SDK1: variants seen among roughly 807,000 people sequenced by gnomAD.
SDK1 encodes the protein sidekick cell adhesion molecule 1.
A neutral mutation model predicts 245.5 loss-of-function variants in SDK1; 157 were observed. The observed-to-expected ratio is 0.64, with a 90% CI of 0.56 to 0.73. The LOEUF (loss-of-function observed/expected upper bound fraction) is 0.73. Ranked by LOEUF, SDK1 falls within the 30% of genes least tolerant of loss-of-function variation. The pLI, the probability that SDK1 is intolerant of heterozygous loss-of-function variation, is 0.00. For synonymous variants in SDK1, 1,647 were observed against 1,278.5 expected, an observed-to-expected ratio of 1.29 and a Z score of -6.15; for missense variants, 3,583 against 3,002.3, an observed-to-expected ratio of 1.19 and a Z score of -4.52.
At chr7:3,539,342 A>T (rs1033592207) in intron 1 of SDK1, among the ~76,000 whole-genome samples, 1 of 152,198 alleles carries the variant, frequency 6.6e-6, no homozygotes, top group Non-Finnish European at 1.5e-5. Flanking sequence ...AACTAGATAG[A>T]TAGGTAGGTA....
intron 1 of SDK1, chr7:3,338,444 A>T (rs934331161): frequency 1.3e-5 from 7 of 522,728 alleles, no homozygotes; most frequent in Non-Finnish European, 2.2e-5. Context: ...TTCCTGAAAC[A>T]TGTGAAGGAA....
At chr7:3,628,170 T>C (rs976865976) in intron 2 of SDK1, among the ~76,000 whole-genome samples, 1 of 152,120 alleles carries the variant, frequency 6.6e-6, no homozygotes, top group Non-Finnish European at 1.5e-5. Flanking sequence ...TGTTTAACTG[T>C]TCTATCAATT....
chr7:3,481,671 C>G (rs1391291331), intron 1 of SDK1, among the ~76,000 whole-genome samples: 1 of 152,230 alleles, frequency 6.6e-6, no homozygotes, highest in Admixed American at 6.5e-5. Context: ...AAGGTCACGG[C>G]TCGTGTCAGG....
chr7:4,206,445 T>C (rs539371222), intron 36 of SDK1, among the ~76,000 whole-genome samples: 8 of 152,050 alleles, frequency 5.3e-5, no homozygotes, highest in African/African-American at 1.9e-4. Context: ...CTTGATTCGG[T>C]CGGTCCAGGG....
Position 4,127,510 on chromosome 7 carries a change from G to T in SDK1, c.3939+14G>T, listed in dbSNP as rs780639146. On this transcript the variant is annotated intron_variant, in intron 26 of 44. Transcript: ENST00000404826. ...CTGGGCTACAAGGTGTGTGATCACA[G>T]GATGACCTCCCTTTGCTTAAAGAGT... 5.1e-6 allele frequency: 8 copies of T among 1,580,842 alleles called. 1 individual carries two copies. The highest frequency in any genetic ancestry group is 7.0e-6 in the Non-Finnish European group (8 of 1,149,818).
chr7:3,892,025 A>T (rs933772234), intron 5 of SDK1, among the ~76,000 whole-genome samples: 82 of 152,130 alleles, frequency 5.4e-4, no homozygotes, highest in African/African-American at 1.8e-3. Context: ...CTAAGTTATC[A>T]TAGGTTATTT....
At chr7:4,188,240 A>G (rs908273188) in intron 35 of SDK1, among the ~76,000 whole-genome samples, 2 of 152,224 alleles carry the variant, frequency 1.3e-5, no homozygotes, top group Non-Finnish European at 2.9e-5. Flanking sequence ...GCTACAGCCA[A>G]CGTCCTGAGG....
chr7:3,563,172 G>A (rs920145598), intron 1 of SDK1, among the ~76,000 whole-genome samples: 4 of 151,856 alleles, frequency 2.6e-5, no homozygotes, highest in African/African-American at 9.7e-5. Flanking sequence ...ATTGGATCTA[G>A]CCAATCAAAA....
intron 1 of SDK1, among the ~76,000 whole-genome samples, chr7:3,399,735 C>T (rs368518511): frequency 6.6e-6 from 1 of 152,042 alleles, no homozygotes; most frequent in East Asian, 1.9e-4. Context: ...TACTAAGTCT[C>T]CCATCCTTCT....
chr7:3,655,448 AATAT>A lies in SDK1; in HGVS notation c.713+13396_713+13399del, dbSNP rs1194322286. ...AACTGTCTAAAAACAAAACAAAACA[AATAT>A]ATATATATATATATATATATATATA... is the stretch of plus-strand genomic sequence containing the variant. On this transcript the variant is annotated intron_variant, in intron 4 of 44. Transcript: ENST00000404826. Among the ~76,000 whole-genome samples the A allele has an allele frequency of 5.2e-3, 346 of 66,128 alleles. 8 individuals carry two copies. Among genetic ancestry groups the A allele is most frequent in the African/African-American group, 0.014 (186 of 13,290 alleles). 43.4% of individuals were successfully genotyped at this position (66,128 alleles called of 152,430 possible).
chr7:3,466,073 G>T (rs1178369383), intron 1 of SDK1, among the ~76,000 whole-genome samples: 1 of 152,066 alleles, frequency 6.6e-6, no homozygotes, highest in Non-Finnish European at 1.5e-5. Flanking sequence ...GCTAGGGGAG[G>T]TGAGGTTTTG....
chr7:3,718,513 C>T (rs1441315629), intron 4 of SDK1, among the ~76,000 whole-genome samples: 1 of 148,124 alleles, frequency 6.8e-6, no homozygotes, highest in Non-Finnish European at 1.5e-5. Flanking sequence ...CAAAGCAAAA[C>T]TGTATCTCAA....
intron 35 of SDK1, among the ~76,000 whole-genome samples, chr7:4,201,082 G>A (rs935625808): frequency 1.3e-5 from 2 of 152,182 alleles, no homozygotes; most frequent in African/African-American, 4.8e-5. Context: ...TTGTTCCTAG[G>A]GCTATGCACT....
intron 1 of SDK1, among the ~76,000 whole-genome samples, chr7:3,455,883 A>G (rs1040488877): frequency 2.0e-5 from 3 of 152,232 alleles, no homozygotes; most frequent in African/African-American, 4.8e-5. Context: ...TTGACATTCT[A>G]TAAGGTGACA....
At chr7:3,609,862 A>C (rs1032984345) in intron 1 of SDK1, among the ~76,000 whole-genome samples, 1 of 151,742 alleles carries the variant, frequency 6.6e-6, no homozygotes, top group Non-Finnish European at 1.5e-5. Context: ...CATCATGCCC[A>C]GCTAATTTTT....
At chr7:3,804,242 T>A (rs1478533508) in intron 4 of SDK1, among the ~76,000 whole-genome samples, 1 of 152,252 alleles carries the variant, frequency 6.6e-6, no homozygotes, top group Admixed American at 6.5e-5. Flanking sequence ...TTATGATGTT[T>A]TATGGGTTTA....
At chr7:3,621,781 C>G (rs62437888) in intron 2 of SDK1, among the ~76,000 whole-genome samples, 3,785 of 152,224 alleles carry the variant, frequency 0.025, 69 homozygotes, top group Middle Eastern at 0.051. Context: ...ATCAAAGTTC[C>G]CACTATTAAA....
chr7:3,514,115 GGAC>G (rs1390125522), intron 1 of SDK1, among the ~76,000 whole-genome samples: 1 of 152,092 alleles, frequency 6.6e-6, no homozygotes, highest in African/African-American at 2.4e-5. Context: ...AAGAAGAGAG[GGAC>G]GACAAGACAG....
At chr7:4,254,961 A>G (rs939660222) in intron 44 of SDK1, among the ~76,000 whole-genome samples, 2 of 152,222 alleles carry the variant, frequency 1.3e-5, no homozygotes, top group African/African-American at 4.8e-5. Flanking sequence ...CGTCATACCC[A>G]GCAGTTAACC....
Sources: gnomAD v4.1 joint callset for allele counts (sites outside exome capture counted in the v4.1 genomes callset) on GRCh38, gnomAD v4.1.1 for gene constraint, MANE v1.5 for transcripts, NCBI Gene and HGNC (gene_info 2026-07-23, HGNC 2026-07-21) for gene names.